Variants in CADM2 observed in about 807,000 individuals in gnomAD.
CADM2 encodes cell adhesion molecule 2, also known as immunoglobulin superfamily member 4D.
A neutral mutation model predicts 49.8 loss-of-function variants in CADM2; 12 were observed. The observed-to-expected ratio is 0.24, with a 90% CI of 0.15 to 0.39. CADM2 has a LOEUF of 0.39. Among genes scored for constraint, CADM2 ranks in the 10% least tolerant of loss-of-function variants. The pLI, the probability that CADM2 is intolerant of heterozygous loss-of-function variation, is 1.00. For synonymous variants in CADM2, 214 were observed against 175.4 expected (o/e 1.22, Z -1.74); for missense variants, 378 against 492.3 (o/e 0.77, Z 2.20).
chr3:85,212,834 C>CTTTCTTTCTTTCTT (rs2041815952), intron 1 of CADM2, among the ~76,000 whole-genome samples: 1 of 106,308 alleles, frequency 9.4e-6, no homozygotes, highest in Admixed American at 1.1e-4. Flanking sequence ...TTCTTTCTTT[C>CTTTCTTTCTTTCTT]TTTCTTTCTT....
rs1481145157 is a variant in CADM2, at chr3:86,007,830, G to A, written c.970+46183G>A. On this transcript the variant is annotated intron_variant, in intron 8 of 9. Coordinates refer to ENST00000383699, the MANE Select transcript of CADM2 (RefSeq NM_001167675.2). ...TTCAGTAAGTGTGGAAAAAAATAAT[G>A]AAAGGCCATGGCATTTTTATAACAA... is the stretch of plus-strand genomic sequence containing the variant. Among the ~76,000 whole-genome samples, 4 of 152,102 alleles carry A rather than the reference G, an allele frequency of 2.6e-5. No individual in the cohort carries two copies. The East Asian group carries it at 7.7e-4, about 29-fold the overall frequency.
At chr3:85,358,868 A>G (rs535295189) in intron 1 of CADM2, among the ~76,000 whole-genome samples, 19 of 152,172 alleles carry the variant, frequency 1.2e-4, no homozygotes, top group Non-Finnish European at 2.5e-4. Context: ...GAACGATTGA[A>G]GCTGCAAATA....
intron 1 of CADM2, among the ~76,000 whole-genome samples, chr3:85,023,178 C>T (rs577473168): frequency 1.2e-4 from 19 of 152,068 alleles, no homozygotes; most frequent in Admixed American, 2.6e-4. Context: ...AAAAGACATG[C>T]CAAAGATTTT....
chr3:85,164,445 C>G (rs1468222732), intron 1 of CADM2, among the ~76,000 whole-genome samples: 2 of 152,042 alleles, frequency 1.3e-5, no homozygotes, highest in Non-Finnish European at 2.9e-5. Context: ...ATTTTTAACC[C>G]TATCCCTTGC....
intron 1 of CADM2, among the ~76,000 whole-genome samples, chr3:85,398,408 A>G (rs2034907192): frequency 6.6e-6 from 1 of 152,114 alleles, no homozygotes. Context: ...TCTGTCATTG[A>G]TGGACATTTG....
intron 5 of CADM2, among the ~76,000 whole-genome samples, chr3:85,905,217 G>A (rs13082138): frequency 6.6e-6 from 1 of 151,882 alleles, no homozygotes; most frequent in Non-Finnish European, 1.5e-5. Context: ...TACAATGGCT[G>A]TGGAAAATAG....
At chr3:85,037,378 G>A (rs1008558451) in intron 1 of CADM2, among the ~76,000 whole-genome samples, 1 of 152,126 alleles carries the variant, frequency 6.6e-6, no homozygotes, top group African/African-American at 2.4e-5. Flanking sequence ...CATCTGCAAG[G>A]ACACTCACTA....
At chr3:85,352,555 CTT>C (rs2031453362) in intron 1 of CADM2, among the ~76,000 whole-genome samples, 1 of 151,984 alleles carries the variant, frequency 6.6e-6, no homozygotes, top group African/African-American at 2.4e-5. Context: ...CCAGGTCTGA[CTT>C]TGTTTACTTT....
At chr3:85,835,854 A>G (rs2074387660) in intron 3 of CADM2, among the ~76,000 whole-genome samples, 1 of 150,396 alleles carries the variant, frequency 6.6e-6, no homozygotes, top group Admixed American at 6.7e-5. Context: ...AGTATCTCTA[A>G]CTAATGAAAT....
intron 1 of CADM2, among the ~76,000 whole-genome samples, chr3:85,118,909 C>G (rs1559672956): frequency 6.6e-6 from 1 of 152,010 alleles, no homozygotes; most frequent in Non-Finnish European, 1.5e-5. Context: ...ACCACCACAC[C>G]CAGCTAATTT....
chr3:85,829,413 A>G (rs1464209670), intron 3 of CADM2, among the ~76,000 whole-genome samples: 1 of 151,962 alleles, frequency 6.6e-6, no homozygotes, highest in Non-Finnish European at 1.5e-5. Context: ...CACCTCAAAC[A>G]TTTATCATTT....
chr3:85,226,867 C>T (rs1470912573), intron 1 of CADM2, among the ~76,000 whole-genome samples: 1 of 152,106 alleles, frequency 6.6e-6, no homozygotes. Context: ...TTTATTTCTG[C>T]CTTCATTTCA....
chr3:85,215,253 C>T (rs964576313), intron 1 of CADM2, among the ~76,000 whole-genome samples: 6 of 150,676 alleles, frequency 4.0e-5, no homozygotes, highest in Admixed American at 2.0e-4. Flanking sequence ...TAGAAATGCC[C>T]TCTGGGAACT....
At chr3:85,259,678 C>T (rs2107885892) in intron 1 of CADM2, among the ~76,000 whole-genome samples, 1 of 152,158 alleles carries the variant, frequency 6.6e-6, no homozygotes, top group Admixed American at 6.6e-5. Flanking sequence ...AGAACTGAAA[C>T]AATTATCCAA....
chr3:85,593,539 C>A (rs1197900325), intron 1 of CADM2, among the ~76,000 whole-genome samples: 1 of 151,806 alleles, frequency 6.6e-6, no homozygotes, highest in African/African-American at 2.4e-5. Flanking sequence ...TAAGTGTGAA[C>A]TAAAGAATTG....
At chr3:86,057,997 T>A (rs1323371607) in intron 8 of CADM2, among the ~76,000 whole-genome samples, 1 of 152,194 alleles carries the variant, frequency 6.6e-6, no homozygotes, top group Non-Finnish European at 1.5e-5. Flanking sequence ...TTAAGCAAGC[T>A]GTTTCGAGAT....
At chr3:85,639,273 A>T (rs2064628252) in intron 1 of CADM2, among the ~76,000 whole-genome samples, 1 of 152,338 alleles carries the variant, frequency 6.6e-6, no homozygotes, top group Non-Finnish European at 1.5e-5. Context: ...TCTTTGAAGC[A>T]TTCAGAAGTA....
intron 2 of CADM2, 50 bp from the exon 3 acceptor site, chr3:85,801,997 A>G: frequency 7.4e-7 from 1 of 1,357,808 alleles, no homozygotes; most frequent in East Asian, 2.7e-5. Flanking sequence ...TAGGCAGTTA[A>G]TCATTTTATG....
intron 3 of CADM2, among the ~76,000 whole-genome samples, chr3:85,807,624 T>C (rs1472413382): frequency 1.3e-5 from 2 of 152,062 alleles, no homozygotes; most frequent in African/African-American, 4.8e-5. Context: ...TCAGTTGTCA[T>C]GTGTAGATAT....
Sources: gnomAD v4.1 joint callset for allele counts (sites outside exome capture counted in the v4.1 genomes callset) on GRCh38, gnomAD v4.1.1 for gene constraint, MANE v1.5 for transcripts, NCBI Gene and HGNC (gene_info 2026-07-23, HGNC 2026-07-21) for gene names.